The following ARHGAP29 variants were observed in gnomAD, a reference collection of about 807,000 sequenced individuals.
The protein encoded by ARHGAP29 is rho GTPase-activating protein 29.
In ARHGAP29, 43 loss-of-function variants were observed where a neutral mutation model predicts 122.6. The observed-to-expected ratio is 0.35, with a 90% confidence interval of 0.27 to 0.45. The LOEUF (loss-of-function observed/expected upper bound fraction) is 0.45. Among genes scored for constraint, ARHGAP29 ranks in the 20% least tolerant of loss-of-function variants. The pLI, the probability that ARHGAP29 is intolerant of heterozygous loss-of-function variation, is 1.00. For missense variants in ARHGAP29, 1,303 were observed against 1,477.2 expected, an observed-to-expected ratio of 0.88 and a Z score of 1.93; for synonymous variants, 506 against 497.1, an observed-to-expected ratio of 1.02 and a Z score of -0.24.
At position 94,171,303 on chromosome 1, in the gene ARHGAP29, C is replaced by T. The variant is rs1385541142; in HGVS notation, c.*2566G>A. ...CAAAACAAATACACTGCCTAAGGTACACTAAAAGTAATTTAACATACTGTA... is the reference window on the plus strand; with the variant it reads ...CAAAACAAATACACTGCCTAAGGTATACTAAAAGTAATTTAACATACTGTA... On this transcript the variant is annotated 3_prime_UTR_variant, in exon 23 of 23. Transcript: ENST00000260526. Among the ~76,000 whole-genome samples the T allele has an allele frequency of 6.6e-6, 1 of 152,150 alleles. No individual in the cohort carries two copies. Among genetic ancestry groups the T allele is most frequent in the Admixed American group, 6.5e-5 (1 of 15,278 alleles).
chr1:94,243,047 A>G (rs542564399), intron 1 of ARHGAP29, among the ~76,000 whole-genome samples: 3 of 152,210 alleles, frequency 2.0e-5, no homozygotes, highest in African/African-American at 2.4e-5. Flanking sequence ...AGAGTATGAG[A>G]AAAAAACTGA....
At position 94,211,304 on chromosome 1, in the gene ARHGAP29, A is replaced by AC. The variant is rs1557864693; in HGVS notation, c.341-1955_341-1954insG. Among the ~76,000 whole-genome samples, 309 of 140,024 alleles carry AC rather than the reference A, an allele frequency of 2.2e-3. 8 individuals are homozygous for AC. Among genetic ancestry groups the AC allele is most frequent in the African/African-American group, 7.6e-3 (271 of 35,454 alleles). The allele number at this position is 140,024 out of a possible 152,430, so 91.9% of individuals were successfully genotyped here. On this transcript the variant is annotated intron_variant, in intron 3 of 22. Transcript: ENST00000260526. ...TCTGGCTCCAAAAAAAAAAAAAAAA[A>AC]AAAAAAAAAGGACATAACAATTCCA...
chr1:94,193,319 T>G (rs991240246), intron 12 of ARHGAP29: 5 of 150,598 alleles, frequency 3.3e-5, no homozygotes, highest in Non-Finnish European at 7.4e-5. Flanking sequence ...TAACAAAAGC[T>G]CTAGTGTTTG....
At chr1:94,196,997 C>A (rs1650518049) in intron 12 of ARHGAP29, among the ~76,000 whole-genome samples, 1 of 150,970 alleles carries the variant, frequency 6.6e-6, no homozygotes, top group Non-Finnish European at 1.5e-5. Context: ...CAAAATAAAC[C>A]CAAAGAAAGT....
chr1:94,261,042 A>C (rs1654539795), intron 1 of ARHGAP29, among the ~76,000 whole-genome samples: 1 of 152,132 alleles, frequency 6.6e-6, no homozygotes, highest in Admixed American at 6.6e-5. Flanking sequence ...TCTGTTCTTG[A>C]AACATTAAAA....
the ARHGAP29 span, among the ~76,000 whole-genome samples, chr1:94,299,763 G>C: frequency 6.6e-6 from 1 of 152,114 alleles, no homozygotes. Context: ...GAGGGAGGAA[G>C]GGGAGGGGGT....
chr1:94,210,267 C>T (rs1651501452), intron 3 of ARHGAP29, among the ~76,000 whole-genome samples: 1 of 152,148 alleles, frequency 6.6e-6, no homozygotes, highest in African/African-American at 2.4e-5. Flanking sequence ...AAGTCACTCT[C>T]TATTTTAAAA....
At chr1:94,224,341 A>C (rs1361303257) in intron 2 of ARHGAP29, among the ~76,000 whole-genome samples, 1 of 152,198 alleles carries the variant, frequency 6.6e-6, no homozygotes, top group Non-Finnish European at 1.5e-5. Flanking sequence ...AATGTTTTAC[A>C]ATAAAATCTT....
At position 94,173,145 on chromosome 1, in the gene ARHGAP29, T is replaced by C. The variant is rs1456370233; in HGVS notation, c.*724A>G. The C allele has an allele frequency of 1.3e-5, 2 of 152,568 alleles. No individual in the cohort carries two copies. Among genetic ancestry groups the C allele is most frequent in the African/African-American group, 4.8e-5 (2 of 41,430 alleles). The allele number at this position is 152,568 out of a possible 1,614,324, so 9.5% of individuals were successfully genotyped here. ...AGCCAAGGGGTGAAAAACTATCAAA[T>C]GTATTAAAACCATCTAAAGCCAAAT... On this transcript the variant is annotated 3_prime_UTR_variant, in exon 23 of 23. Coordinates refer to ENST00000260526, the MANE Select transcript of ARHGAP29 (RefSeq NM_004815.4).
At chr1:94,185,291 G>T in intron 17 of ARHGAP29, 51 bp downstream of exon 17, 2 of 1,504,510 alleles carry the variant, frequency 1.3e-6, no homozygotes, top group East Asian at 2.4e-5. Context: ...AAACAAAAAA[G>T]TATAAAACAA....
At position 94,189,802 on chromosome 1, in the gene ARHGAP29, T is replaced by C. The variant is rs575080016; in HGVS notation, c.1439+124A>G. 8 of 875,224 alleles carry C rather than the reference T, an allele frequency of 9.1e-6. No homozygotes were observed. The East Asian group carries it at 1.9e-4, about 20-fold the overall frequency. The allele number at this position is 875,224 out of a possible 1,614,324, so 54.2% of individuals were successfully genotyped here. ...TCTACTTCGATACCATAAAATAATA[T>C]TTAAAGAACTCAGAAAATTTTTAAT... On this transcript the variant is annotated intron_variant, in intron 13 of 22. Coordinates refer to ENST00000260526, the MANE Select transcript of ARHGAP29 (RefSeq NM_004815.4).
chr1:94,215,256 C>T (rs1651891082), intron 3 of ARHGAP29, among the ~76,000 whole-genome samples: 1 of 151,142 alleles, frequency 6.6e-6, no homozygotes, highest in African/African-American at 2.4e-5. Context: ...GATAGAAATA[C>T]TAAATATGTA....
At chr1:94,259,738 C>T (rs922988850) in intron 1 of ARHGAP29, among the ~76,000 whole-genome samples, 2 of 152,118 alleles carry the variant, frequency 1.3e-5, no homozygotes, top group African/African-American at 4.8e-5. Flanking sequence ...TGAGAGAATC[C>T]ATTTCTGTTG....
the ARHGAP29 span, among the ~76,000 whole-genome samples, chr1:94,289,796 A>G: frequency 0.048 from 7,247 of 152,278 alleles, 604 homozygotes; most frequent in African/African-American, 0.17. Context: ...GCTTACATTT[A>G]TTGATTTGCC....
At chr1:94,188,978 G>T in intron 14 of ARHGAP29, 37 bp from the exon 15 acceptor site, 1 of 1,579,450 alleles carries the variant, frequency 6.3e-7, no homozygotes, top group Non-Finnish European at 8.7e-7. Flanking sequence ...CTTGGCTACA[G>T]GTAGATTTCA....
chr1:94,179,164 C>T (rs1649291798), intron 20 of ARHGAP29, among the ~76,000 whole-genome samples: 1 of 152,230 alleles, frequency 6.6e-6, no homozygotes, highest in African/African-American at 2.4e-5. Flanking sequence ...GCCTGGCACA[C>T]AGGAGGCATC....
chr1:94,282,837 C>G, the ARHGAP29 span, among the ~76,000 whole-genome samples: 1 of 152,194 alleles, frequency 6.6e-6, no homozygotes, highest in East Asian at 1.9e-4. Flanking sequence ...TAAGATGATT[C>G]CCTTCTCTAT....
chr1:94,176,272 T>C (rs1404266170), intron 22 of ARHGAP29, among the ~76,000 whole-genome samples: 1 of 152,216 alleles, frequency 6.6e-6, no homozygotes, highest in African/African-American at 2.4e-5. Context: ...TGTGTATCTA[T>C]GTTGCTGTGT....
chr1:94,294,384 G>A, the ARHGAP29 span, among the ~76,000 whole-genome samples: 1 of 151,994 alleles, frequency 6.6e-6, no homozygotes, highest in Non-Finnish European at 1.5e-5. Flanking sequence ...GCCCACTCTA[G>A]CCTCCATCTC....
Sources: gnomAD v4.1 joint callset for allele counts (sites outside exome capture counted in the v4.1 genomes callset) on GRCh38, gnomAD v4.1.1 for gene constraint, MANE v1.5 for transcripts, NCBI Gene and HGNC (gene_info 2026-07-23, HGNC 2026-07-21) for gene names.